Variants in CLEC16A observed in about 807,000 individuals in gnomAD.
CLEC16A encodes C-type lectin domain containing 16A.
In CLEC16A, 51 loss-of-function variants were observed where a neutral mutation model predicts 109.5. The ratio of observed to expected loss-of-function variants is 0.47; its 90% CI spans 0.37 to 0.59. The LOEUF (loss-of-function observed/expected upper bound fraction) is 0.59, where lower values mean the gene tolerates loss of function less well. Among genes scored for constraint, CLEC16A ranks in the 20% least tolerant of loss-of-function variants. The pLI, the probability that CLEC16A is intolerant of heterozygous loss-of-function variation, is 0.00. For missense variants in CLEC16A, 1,339 were observed against 1,394.0 expected, an observed-to-expected ratio of 0.96 and a Z score of 0.63; for synonymous variants, 673 against 564.2, an observed-to-expected ratio of 1.19 and a Z score of -2.73.
At chr16:10,964,863 G>T (rs1204297441) in intron 3 of CLEC16A, among the ~76,000 whole-genome samples, 2 of 152,150 alleles carry the variant, frequency 1.3e-5, no homozygotes, top group Non-Finnish European at 1.5e-5. Context: ...CCTCACTTTT[G>T]TGCGTGTGTG....
intron 11 of CLEC16A, among the ~76,000 whole-genome samples, chr16:11,008,436 G>A (rs528600687): frequency 2.0e-5 from 3 of 152,236 alleles, no homozygotes; most frequent in Admixed American, 1.3e-4. Context: ...AAAAATGAGT[G>A]TGTCAGAGTA....
intron 18 of CLEC16A, chr16:11,056,429 G>C (rs2048218491): frequency 6.6e-6 from 1 of 152,106 alleles, no homozygotes. Context: ...AAAGAAATAG[G>C]GTCTTTCATG....
chr16:11,169,291 T>C (rs1188349776), intron 23 of CLEC16A, among the ~76,000 whole-genome samples: 1 of 152,002 alleles, frequency 6.6e-6, no homozygotes, highest in South Asian at 2.1e-4. Context: ...TTTTTTGTTT[T>C]GTTTTGTTTT....
At chr16:11,168,298 C>T (rs2068358846) in intron 23 of CLEC16A, among the ~76,000 whole-genome samples, 1 of 152,158 alleles carries the variant, frequency 6.6e-6, no homozygotes, top group Non-Finnish European at 1.5e-5. Flanking sequence ...CTGCATGGTA[C>T]CAGCGTAATG....
chr16:11,104,143 C>G (rs187562408), intron 19 of CLEC16A, among the ~76,000 whole-genome samples: 205 of 152,288 alleles, frequency 1.3e-3, no homozygotes, highest in Non-Finnish European at 2.4e-3. Flanking sequence ...AGGTCTCACT[C>G]TGTCGCCCAG....
intron 22 of CLEC16A, among the ~76,000 whole-genome samples, chr16:11,163,099 A>G (rs972431723): frequency 7.9e-5 from 12 of 152,238 alleles, no homozygotes; most frequent in Non-Finnish European, 1.2e-4. Flanking sequence ...TTCATACACC[A>G]AAAGCCTCTG....
intron 19 of CLEC16A, among the ~76,000 whole-genome samples, chr16:11,115,825 A>AC: frequency 6.6e-6 from 1 of 152,026 alleles, no homozygotes; most frequent in African/African-American, 2.4e-5. Context: ...CATAAGATAA[A>AC]CATACTATTG....
intron 10 of CLEC16A, among the ~76,000 whole-genome samples, chr16:10,987,233 A>G (rs1377254237): frequency 6.6e-6 from 1 of 152,132 alleles, no homozygotes; most frequent in East Asian, 1.9e-4. Context: ...CAGATAATAC[A>G]GAGAGATCTT....
chr16:10,987,861 C>T (rs2043768489), intron 10 of CLEC16A, among the ~76,000 whole-genome samples: 1 of 152,156 alleles, frequency 6.6e-6, no homozygotes, highest in Non-Finnish European at 1.5e-5. Flanking sequence ...AGATAAGTTA[C>T]TGGTATTGCC....
At chr16:11,151,696 G>C (rs1780959779) in intron 22 of CLEC16A, among the ~76,000 whole-genome samples, 1 of 152,238 alleles carries the variant, frequency 6.6e-6, no homozygotes, top group Non-Finnish European at 1.5e-5. Context: ...AGGGCAGCTT[G>C]CCAAGGGAGC....
intron 22 of CLEC16A, among the ~76,000 whole-genome samples, chr16:11,162,950 C>T (rs562548978): frequency 6.4e-4 from 97 of 152,268 alleles, no homozygotes; most frequent in Middle Eastern, 3.4e-3. Context: ...TGCAGGCTGT[C>T]CTTGAAGCAT....
At chr16:11,124,459 TGGTG>T in intron 21 of CLEC16A, among the ~76,000 whole-genome samples, 1 of 152,184 alleles carries the variant, frequency 6.6e-6, no homozygotes, top group African/African-American at 2.4e-5. Flanking sequence ...CAGCCCTGCT[TGGTG>T]AAAGGCTGGA....
At chr16:11,070,322 G>A (rs577064107) in intron 19 of CLEC16A, among the ~76,000 whole-genome samples, 3 of 151,760 alleles carry the variant, frequency 2.0e-5, no homozygotes, top group Non-Finnish European at 2.9e-5. Flanking sequence ...CGCCCGCCTC[G>A]GCCTCCCAAA....
chr16:11,075,340 G>T (rs186644015), intron 19 of CLEC16A, among the ~76,000 whole-genome samples: 1 of 151,936 alleles, frequency 6.6e-6, no homozygotes, highest in East Asian at 1.9e-4. Flanking sequence ...TCCTGCTGGC[G>T]GTTGAGTCCC....
At chr16:11,007,132 A>C (rs1457624813) in intron 11 of CLEC16A, among the ~76,000 whole-genome samples, 1 of 152,112 alleles carries the variant, frequency 6.6e-6, no homozygotes, top group African/African-American at 2.4e-5. Context: ...TCCTCATGTA[A>C]AAATAGGGCT....
Position 11,011,611 on chromosome 16 carries a change from T to TA in CLEC16A, c.1303+8307dup, listed in dbSNP as rs565032902. 1.1e-4 allele frequency among the ~76,000 whole-genome samples: 16 copies of TA among 152,298 alleles called. 1 individual carries two copies. The South Asian group carries it at 2.3e-3, about 22-fold the overall frequency. The stretch of plus-strand genomic sequence containing the variant: ...GGCTCCTGTCCATGGGCAGGGGTAT[T>TA]AGAGGCCAAGATTTGGGCACTGGAT... On this transcript the variant is annotated intron_variant, in intron 11 of 23. Transcript: ENST00000409790.
At chr16:11,075,412 C>CTGTGTGTGTGTG (rs375261875) in intron 19 of CLEC16A, among the ~76,000 whole-genome samples, 20 of 120,610 alleles carry the variant, frequency 1.7e-4, no homozygotes, top group East Asian at 6.5e-4. Flanking sequence ...GTGTGTGTGT[C>CTGTGTGTGTGTG]TGTGTGTGTG....
At chr16:11,042,656 CA>C (rs2047403218) in intron 15 of CLEC16A, among the ~76,000 whole-genome samples, 1 of 152,152 alleles carries the variant, frequency 6.6e-6, no homozygotes, top group African/African-American at 2.4e-5. Context: ...TTTGGTATTA[CA>C]AAAGTTTTTT....
At chr16:11,120,893 A>T in intron 20 of CLEC16A, 127 bp downstream of exon 20, 1 of 997,178 alleles carries the variant, frequency 1.0e-6, no homozygotes, top group Non-Finnish European at 1.3e-6. Flanking sequence ...TACAAGGTAT[A>T]TGTGAACAAA....
Sources: gnomAD v4.1 joint callset for allele counts (sites outside exome capture counted in the v4.1 genomes callset) on GRCh38, gnomAD v4.1.1 for gene constraint, MANE v1.5 for transcripts, NCBI Gene and HGNC (gene_info 2026-07-23, HGNC 2026-07-21) for gene names.